The following SLC2A7 variants were observed in gnomAD, a reference collection of about 807,000 sequenced individuals.
SLC2A7 encodes the protein solute carrier family 2 member 7.
A neutral mutation model predicts 50.5 loss-of-function variants in SLC2A7; 50 were observed. That is an observed-to-expected ratio of 0.99 (90% CI 0.79 to 1.25). The LOEUF is 1.25. Ranked by LOEUF, SLC2A7 falls within the 50% of genes most tolerant of loss-of-function variation. The pLI, the probability that SLC2A7 is intolerant of heterozygous loss-of-function variation, is 0.00. For missense variants in SLC2A7, 683 were observed against 679.1 expected (o/e 1.01, Z -0.06); for synonymous variants, 308 against 300.4 (o/e 1.03, Z -0.26).
At chr1:9,000,623 T>C (rs1569774432), downstream of SLC2A7, among the ~76,000 whole-genome samples, 1 of 151,720 alleles carries the variant, frequency 6.6e-6, no homozygotes, top group Non-Finnish European at 1.5e-5. Flanking sequence ...TGTCTCAAAA[T>C]AAATAAATAA....
At chr1:9,023,514 G>A (rs1222378014) in intron 2 of SLC2A7, among the ~76,000 whole-genome samples, 1 of 152,134 alleles carries the variant, frequency 6.6e-6, no homozygotes, top group Non-Finnish European at 1.5e-5. Context: ...GGCTGAGGCA[G>A]GAGAATGGCG....
intron 3 of SLC2A7, among the ~76,000 whole-genome samples, chr1:9,022,674 G>C (rs570038412): frequency 1.4e-3 from 90 of 62,214 alleles, no homozygotes; most frequent in African/African-American, 4.6e-3. Context: ...GATCTCAAAG[G>C]CTGCACCACC....
rs1640875001 is a variant in SLC2A7 at position 9,019,200 on chromosome 1, C to T, written c.436+9G>A. On this transcript the variant is annotated intron_variant, in intron 4 of 11. Coordinates refer to ENST00000400906, the MANE Select transcript of SLC2A7 (RefSeq NM_207420.3). The stretch of plus-strand genomic sequence containing the variant: ...CCCAAGGCTGAGCCGGAGCCTGGGC[C>T]CCAGGTACCTGCACAGACTCCCAGC... 5.6e-6 allele frequency: 9 copies of T among 1,612,776 alleles called. 1 individual carries two copies. The East Asian group carries it at 2.0e-4, about 36-fold the overall frequency.
chr1:8,993,008 A>G, the SLC2A7 span, among the ~76,000 whole-genome samples: 1 of 152,240 alleles, frequency 6.6e-6, no homozygotes, highest in African/African-American at 2.4e-5. Flanking sequence ...AGATCTGGGT[A>G]AAGGATGCTG....
chr1:8,996,511 T>A, the SLC2A7 span, among the ~76,000 whole-genome samples: 8,381 of 152,332 alleles, frequency 0.055, 301 homozygotes, highest in Middle Eastern at 0.085. Flanking sequence ...TGTTTAGACA[T>A]CTGCTTTGGT....
chr1:9,012,210 C>A (rs1640760061), intron 8 of SLC2A7, among the ~76,000 whole-genome samples: 2 of 152,170 alleles, frequency 1.3e-5, no homozygotes, highest in Admixed American at 1.3e-4. Flanking sequence ...GAAGTGCACC[C>A]CAAAAATCAG....
In SLC2A7 at chr1:9,008,843, G is replaced by A. The variant is rs112722116; in HGVS notation, c.1116+1300C>T. On this transcript the variant is annotated intron_variant, in intron 9 of 11. Transcript: ENST00000400906. This position sits in a 1 kb window ranked among gnomAD's most constrained non-coding sequence, Gnocchi z 5.9. ...ACTCCTGACCTCAGGTGATCCACCC[G>A]CTTTGGCTTCCCAAAGTGCTGGGAT... is the stretch of plus-strand genomic sequence containing the variant. 0.016 allele frequency among the ~76,000 whole-genome samples: 2,494 copies of A among 152,274 alleles called. 38 individuals carry two copies. The highest frequency in any genetic ancestry group is 0.034 in the Middle Eastern group (10 of 294).
intron 3 of SLC2A7, among the ~76,000 whole-genome samples, chr1:9,021,985 T>C (rs1640919024): frequency 6.6e-6 from 1 of 152,230 alleles, no homozygotes; most frequent in South Asian, 2.1e-4. Context: ...TATGGTATAG[T>C]TACATTAGAG....
intron 9 of SLC2A7, among the ~76,000 whole-genome samples, chr1:9,007,908 T>C (rs968271146): frequency 8.6e-5 from 13 of 151,996 alleles, no homozygotes. Context: ...CTTATATGAT[T>C]GTTTCAGTTC....
rs761127530 is a variant in SLC2A7 at position 9,004,331 on chromosome 1, T to TAAA, written c.1320+418_1320+420dup. ...CTGGGTGACAGAGCAAGGCCCTGTC[T>TAAA]AAAAAAAAAAAAAAAAGACTGCTTA... On this transcript the variant is annotated intron_variant, in intron 11 of 11. Transcript: ENST00000400906. Among the ~76,000 whole-genome samples the TAAA allele has an allele frequency of 8.6e-3, 1,030 of 119,854 alleles. 20 individuals carry two copies. The highest frequency in any genetic ancestry group is 0.032 in the African/African-American group (973 of 30,052). 78.6% of individuals were successfully genotyped at this position (119,854 alleles called of 152,430 possible).
chr1:9,019,447 G>C (rs1239461891), intron 3 of SLC2A7, 114 bp from the exon 4 acceptor site: 10 of 1,428,764 alleles, frequency 7.0e-6, no homozygotes, highest in Non-Finnish European at 9.4e-6. Flanking sequence ...ATGTGCCCGA[G>C]AAAGAGCTGA....
intron 8 of SLC2A7, among the ~76,000 whole-genome samples, chr1:9,011,234 G>C (rs1640744639): frequency 1.3e-5 from 2 of 152,260 alleles, no homozygotes; most frequent in Admixed American, 1.3e-4. Context: ...TTCCCCGCAG[G>C]CCCGGAATGG....
intron 9 of SLC2A7, among the ~76,000 whole-genome samples, chr1:9,009,158 T>C (rs544658146): frequency 6.6e-6 from 1 of 152,318 alleles, no homozygotes; most frequent in East Asian, 1.9e-4. Flanking sequence ...CATGACAGAA[T>C]GAGCTCCTCA....
At chr1:9,007,205 C>A in intron 10 of SLC2A7, 105 bp downstream of exon 10, 3 of 1,306,828 alleles carry the variant, frequency 2.3e-6, no homozygotes, top group Non-Finnish European at 2.2e-6. Flanking sequence ...GCACGGGGAC[C>A]AAGGACGTCC....
At chr1:9,009,931 C>T (rs564928716) in intron 9 of SLC2A7, among the ~76,000 whole-genome samples, 5 of 152,364 alleles carry the variant, frequency 3.3e-5, no homozygotes, top group South Asian at 2.1e-4. Flanking sequence ...ACCATCTATC[C>T]GGTTACTTAT....
At chr1:9,009,659 T>A (rs1009835886) in intron 9 of SLC2A7, among the ~76,000 whole-genome samples, 2 of 152,190 alleles carry the variant, frequency 1.3e-5, no homozygotes, top group African/African-American at 4.8e-5. Context: ...GGTCTCACCA[T>A]GTTGTTCAGA....
At chr1:8,998,432 G>A (rs1207448273), downstream of SLC2A7, among the ~76,000 whole-genome samples, 1 of 151,992 alleles carries the variant, frequency 6.6e-6, no homozygotes, top group Non-Finnish European at 1.5e-5. Context: ...AATAAAATCA[G>A]TTGTCTGTAT....
chr1:9,006,971 G>A (rs1272048227), intron 10 of SLC2A7, among the ~76,000 whole-genome samples: 1 of 152,220 alleles, frequency 6.6e-6, no homozygotes, highest in African/African-American at 2.4e-5. Context: ...TGAGTGTCTG[G>A]AGGGTGTGGA....
intron 7 of SLC2A7, among the ~76,000 whole-genome samples, chr1:9,014,020 C>T (rs1640789313): frequency 6.6e-6 from 1 of 152,230 alleles, no homozygotes; most frequent in Admixed American, 6.5e-5. Context: ...GTCTTCTGGC[C>T]CCATGCCAAG....
Sources: gnomAD v4.1 joint callset for allele counts (sites outside exome capture counted in the v4.1 genomes callset) on GRCh38, gnomAD v4.1.1 for gene constraint, Gnocchi (gnomAD v3.1) non-coding constraint, MANE v1.5 for transcripts, NCBI Gene and HGNC (gene_info 2026-07-23, HGNC 2026-07-21) for gene names.